The following CCT3 variants were observed in gnomAD, a reference collection of about 807,000 sequenced individuals.
CCT3 encodes the protein chaperonin containing TCP1 subunit 3.
A neutral mutation model predicts 65.3 loss-of-function variants in CCT3; 10 were observed. The ratio of observed to expected loss-of-function variants is 0.15; its 90% CI spans 0.09 to 0.26. CCT3 has a LOEUF of 0.26. Among genes scored for constraint, CCT3 ranks in the 10% least tolerant of loss-of-function variants. The pLI is 1.00. For synonymous variants in CCT3, 225 were observed against 242.3 expected (o/e 0.93, Z 0.66); for missense variants, 626 against 708.7 (o/e 0.88, Z 1.33).
Position 156,320,979 on chromosome 1 carries a change from T to A in CCT3, c.469A>T (p.Asn157Tyr). The A allele has an allele frequency of 6.2e-7, 1 of 1,614,142 alleles. No individual in the cohort carries two copies. The highest frequency in any genetic ancestry group is 8.5e-7 in the Non-Finnish European group (1 of 1,179,992). ...ATGGCTTTGGTAGTAATAGAGCTGT[T>A]GATGATGTTCAGCATCATATCACTG... ...SDSDMMLNIINSSITTKAISR... is the reference protein window; with the variant it reads ...SDSDMMLNIIYSSITTKAISR... The change falls in exon 7 of 14, where the codon AAC becomes TAC. Residue 157 changes from asparagine to tyrosine, a missense_variant. Asn to Tyr is a moderately radical substitution (Grantham distance 143). Coordinates refer to ENST00000295688, the MANE Select transcript of CCT3 (RefSeq NM_005998.5).
intron 13 of CCT3, 70 bp downstream of exon 13, chr1:156,310,487 CT>C (rs1664036616): frequency 8.1e-7 from 1 of 1,233,074 alleles, no homozygotes; most frequent in Admixed American, 2.9e-5. Context: ...GAGACTGCGT[CT>C]CAAAAATAAA....
chr1:156,331,440 T>C (rs3001785), intron 5 of CCT3, among the ~76,000 whole-genome samples: 32,417 of 152,148 alleles, frequency 0.21, 4,276 homozygotes, highest in Non-Finnish European at 0.27. Context: ...CCCAGTACTT[T>C]GGAAGGCCGA....
intron 1 of CCT3, chr1:156,337,792 GAAAAAAAAAC>G (rs1293210507): frequency 3.9e-5 from 11 of 280,666 alleles, no homozygotes; most frequent in Non-Finnish European, 6.0e-5. Context: ...AGACCTAACT[GAAAAAAAAAC>G]AAAAAAAAAC....
chr1:156,323,684 C>T (rs1005041261), intron 6 of CCT3, among the ~76,000 whole-genome samples: 1 of 152,038 alleles, frequency 6.6e-6, no homozygotes, highest in Non-Finnish European at 1.5e-5. Context: ...CCAGGATGGT[C>T]TCAATCTCCT....
At chr1:156,336,993 G>C in intron 1 of CCT3, 1 of 839,416 alleles carries the variant, frequency 1.2e-6, no homozygotes. Context: ...AAGGCAGTCA[G>C]TATACAGAAG....
chr1:156,327,535 C>A (rs1432680931), intron 5 of CCT3, among the ~76,000 whole-genome samples: 1 of 151,836 alleles, frequency 6.6e-6, no homozygotes, highest in Non-Finnish European at 1.5e-5. Context: ...GCGAGTGATC[C>A]GCCAGCCCCG....
At chr1:156,337,201 A>G in intron 1 of CCT3, 2 of 463,584 alleles carry the variant, frequency 4.3e-6, no homozygotes, top group Non-Finnish European at 7.3e-6. Context: ...GCTCATCAGC[A>G]GTTGGAGACC....
Position 156,312,211 on chromosome 1 carries a change from C to A in CCT3, c.985G>T (p.Ala329Ser), listed in dbSNP as rs1231493469. The A allele has an allele frequency of 2.5e-6, 4 of 1,613,718 alleles. No homozygotes were observed. In the South Asian group the frequency reaches 3.3e-5, roughly 13 times the overall value. The change falls in exon 11 of 14, where the codon GCC becomes TCC. Residue 329 changes from alanine (A) to serine (S), a missense_variant. Physicochemically the swap from Ala to Ser is moderately conservative, Grantham distance 99. Coordinates refer to ENST00000295688, the MANE Select transcript of CCT3 (RefSeq NM_005998.5). ...TCCTCTGGTCGGCTGACTATCCGGG[C>A]CCCACAGGCTCTAATGGACGGAAGA... ...DNNRIARACG[A>S]RIVSRPEELR...
In CCT3 at chr1:156,325,083, TC is replaced by T; in HGVS notation, c.310del (p.Glu104LysfsTer5). 6.2e-7 allele frequency: 1 copy of T among 1,608,798 alleles called. No individual in the cohort carries two copies. ...GTTSVIILAG[E>X]MLSVAEHFLE... ...GAAGTGCTCAGCTACAGACAGCATTTCCCCTGCTGAAAAAGATACAAGCACC... is the reference window on the plus strand; with the variant it reads ...GAAGTGCTCAGCTACAGACAGCATTTCCCTGCTGAAAAAGATACAAGCACC... On this transcript the variant is annotated frameshift_variant, in exon 6 of 14. Coordinates refer to ENST00000295688, the MANE Select transcript of CCT3 (RefSeq NM_005998.5). LOFTEE classifies it high-confidence loss of function.
chr1:156,335,530 T>G (rs908124510), intron 2 of CCT3: 1 of 358,358 alleles, frequency 2.8e-6, no homozygotes, highest in Non-Finnish European at 5.0e-6. Context: ...AATAAAGTAC[T>G]TATGTTCAAG....
Position 156,331,272 on chromosome 1 carries a change from T to C in CCT3, c.304+2275A>G, listed in dbSNP as rs1032379987. Among the ~76,000 whole-genome samples, 15 of 151,922 alleles carry C rather than the reference T, an allele frequency of 9.9e-5. No homozygotes were observed. The South Asian group carries it at 1.0e-3, about 11-fold the overall frequency. Reference sequence around the variant, plus strand: ...TGGGAGGCTGAGGCAGGAGATTGCTTGAGCCCAGGAGTTTGAGGCAAGCCT... The same window carrying C: ...TGGGAGGCTGAGGCAGGAGATTGCTCGAGCCCAGGAGTTTGAGGCAAGCCT... On this transcript the variant is annotated intron_variant, in intron 5 of 13. Transcript: ENST00000295688.
intron 10 of CCT3, 150 bp downstream of exon 10, chr1:156,317,016 A>G (rs1391411637): frequency 3.0e-6 from 2 of 655,794 alleles, no homozygotes. Flanking sequence ...GGACTAGAGG[A>G]CTTCTGAAGA....
intron 7 of CCT3, among the ~76,000 whole-genome samples, chr1:156,319,845 A>C (rs1043276193): frequency 1.3e-5 from 2 of 152,190 alleles, no homozygotes; most frequent in African/African-American, 4.8e-5. Flanking sequence ...AATTTAGTGG[A>C]CAGGAGAGAA....
intron 1 of CCT3, chr1:156,337,204 T>G: frequency 2.2e-6 from 1 of 450,490 alleles, no homozygotes; most frequent in Non-Finnish European, 3.8e-6. Flanking sequence ...CATCAGCAGT[T>G]GGAGACCAGC....
intron 13 of CCT3, among the ~76,000 whole-genome samples, chr1:156,310,038 A>C (rs1182058270): frequency 1.5e-3 from 4 of 2,678 alleles, no homozygotes; most frequent in Admixed American, 7.8e-3. Context: ...AGTCTGTTTC[A>C]AAAAAAAAAA....
At chr1:156,336,967 T>C (rs1416955881) in intron 1 of CCT3, 2 of 550,640 alleles carry the variant, frequency 3.6e-6, no homozygotes, top group Non-Finnish European at 5.2e-6. Context: ...ACAGAGATAA[T>C]GAATAATAAC....
chr1:156,317,876 C>CT (rs1002713816), intron 8 of CCT3, among the ~76,000 whole-genome samples: 41 of 150,954 alleles, frequency 2.7e-4, no homozygotes, highest in South Asian at 4.2e-4. Context: ...CCCCAGCTAA[C>CT]TTTTTTTTTG....
chr1:156,334,239 CAAAAA>C (rs34500374), intron 4 of CCT3, among the ~76,000 whole-genome samples: 2 of 118,448 alleles, frequency 1.7e-5, no homozygotes. Context: ...GACTCCGTCT[CAAAAA>C]AAAAAAAAAA....
intron 6 of CCT3, among the ~76,000 whole-genome samples, chr1:156,322,951 G>T (rs906623252): frequency 6.6e-6 from 1 of 151,990 alleles, no homozygotes; most frequent in Non-Finnish European, 1.5e-5. Context: ...AAAATAATTA[G>T]ATCAAACACC....
Sources: gnomAD v4.1 joint callset for allele counts (sites outside exome capture counted in the v4.1 genomes callset) on GRCh38, gnomAD v4.1.1 for gene constraint, MANE v1.5 for transcripts, NCBI Gene and HGNC (gene_info 2026-07-23, HGNC 2026-07-21) for gene names.